Variants in OGG1 observed in about 807,000 individuals in gnomAD.
OGG1 encodes the protein N-glycosylase/DNA lyase.
A neutral mutation model predicts 42.3 loss-of-function variants in OGG1; 35 were observed. That is an observed-to-expected ratio of 0.83 (90% CI 0.63 to 1.10). The LOEUF (loss-of-function observed/expected upper bound fraction) is 1.10. Among genes scored for constraint, OGG1 ranks in the 50% least tolerant of loss-of-function variants. OGG1 has a pLI of 0.00. For synonymous variants in OGG1, 189 were observed against 179.0 expected, an observed-to-expected ratio of 1.06 and a Z score of -0.44; for missense variants, 484 against 446.7, an observed-to-expected ratio of 1.08 and a Z score of -0.75.
At chr3:9,774,022 C>T (rs1414476167) in intron 2 of OGG1, among the ~76,000 whole-genome samples, 3 of 152,102 alleles carry the variant, frequency 2.0e-5, no homozygotes, top group Non-Finnish European at 4.4e-5. Context: ...AATTCTTGAA[C>T]CTGACAGAAA....
chr3:9,789,418 A>T (rs977580675), downstream of OGG1: 2 of 1,201,570 alleles, frequency 1.7e-6, no homozygotes, highest in Non-Finnish European at 2.4e-6. Flanking sequence ...TTGGGGAAGG[A>T]AGATGATGCA....
At chr3:9,757,464 G>T (rs55801042), downstream of OGG1, 3 of 1,602,124 alleles carry the variant, frequency 1.9e-6, no homozygotes, top group Admixed American at 1.7e-5. This position sits in a 1 kb window ranked among gnomAD's most constrained non-coding sequence, Gnocchi z 4.5. Flanking sequence ...AGAAACTCCC[G>T]GTTCAGGGAG....
downstream of OGG1, chr3:9,760,658 G>A (rs750784176): frequency 7.4e-6 from 12 of 1,613,908 alleles, no homozygotes; most frequent in Admixed American, 5.0e-5. Context: ...CCAAATACCA[G>A]AGTCAGAGAT....
downstream of OGG1, chr3:9,757,779 C>CCCTCCT: frequency 1.9e-6 from 3 of 1,614,104 alleles, no homozygotes; most frequent in Non-Finnish European, 1.7e-6. The surrounding 1 kb of genome is among the most constrained non-coding windows in gnomAD (Gnocchi z 4.5). Flanking sequence ...CTGCCCCTGC[C>CCCTCCT]CCTCCTGGCT....
chr3:9,757,930 T>TG, downstream of OGG1: 1 of 1,516,720 alleles, frequency 6.6e-7, no homozygotes. This position sits in a 1 kb window ranked among gnomAD's most constrained non-coding sequence, Gnocchi z 4.5. Context: ...GTGGGATTCT[T>TG]GCAATTGTTC....
chr3:9,779,439 GAGA>G (rs1280863465), intron 2 of OGG1, among the ~76,000 whole-genome samples: 1 of 152,014 alleles, frequency 6.6e-6, no homozygotes, highest in East Asian at 1.9e-4. Flanking sequence ...ACTACAGCCA[GAGA>G]AGGACTCACC....
At chr3:9,763,494 A>C (rs1208062109) in intron 7 of OGG1, among the ~76,000 whole-genome samples, 1 of 151,974 alleles carries the variant, frequency 6.6e-6, no homozygotes, top group East Asian at 1.9e-4. Flanking sequence ...TGGGTAGGAC[A>C]AACCAAGGAT....
chr3:9,762,702 T>C (rs376643136), intron 7 of OGG1, among the ~76,000 whole-genome samples: 13 of 152,214 alleles, frequency 8.5e-5, no homozygotes, highest in East Asian at 3.9e-4. Flanking sequence ...GACAAAATGT[T>C]GTTTGGATAA....
At chr3:9,754,990 G>A in intron 4 of OGG1, 105 bp downstream of exon 4, 1 of 888,560 alleles carries the variant, frequency 1.1e-6, no homozygotes, top group Non-Finnish European at 1.8e-6. Context: ...TCCGGAGGCA[G>A]AGCAGGAAGG....
At chr3:9,773,630 CTT>C (rs35023365) in intron 2 of OGG1, among the ~76,000 whole-genome samples, 17 of 143,112 alleles carry the variant, frequency 1.2e-4, no homozygotes, top group Admixed American at 2.8e-4. Context: ...ATCTTTTCTT[CTT>C]TTTTTTTTTT....
Position 9,754,889 on chromosome 3 carries a change from A to G in OGG1, c.747+4A>G, listed in dbSNP as rs1334748968. 2 of 1,584,650 alleles carry G rather than the reference A, an allele frequency of 1.3e-6. No individual in the cohort carries two copies. Among genetic ancestry groups the G allele is most frequent in the South Asian group, 2.3e-5 (2 of 87,340 alleles). On this transcript the variant is annotated splice_donor_region_variant and intron_variant, in intron 4 of 6. Coordinates refer to ENST00000344629, the MANE Select transcript of OGG1 (RefSeq NM_002542.6). ...CCTGCCTGGAGTGGGCACCAAGGTG[A>G]GGCCCCAGGGGGTAGGAGCTGCCCT... is the stretch of plus-strand genomic sequence containing the variant.
At chr3:9,763,419 AAAAC>A (rs1559700641) in intron 7 of OGG1, among the ~76,000 whole-genome samples, 1 of 151,524 alleles carries the variant, frequency 6.6e-6, no homozygotes, top group East Asian at 1.9e-4. Flanking sequence ...AAAAAAAAAA[AAAAC>A]AGCGGTTTAG....
intron 2 of OGG1, among the ~76,000 whole-genome samples, chr3:9,778,319 C>T (rs2078390500): frequency 6.6e-6 from 1 of 152,218 alleles, no homozygotes; most frequent in African/African-American, 2.4e-5. Context: ...GCAGCTTGGC[C>T]CAGCACCTAG....
chr3:9,789,685 C>A (rs745886500), downstream of OGG1: 13 of 1,608,940 alleles, frequency 8.1e-6, no homozygotes, highest in Non-Finnish European at 1.0e-5. Context: ...AACCTTGAGG[C>A]CCCCTTCTAT....
At chr3:9,758,121 C>T (rs2077674365), downstream of OGG1, 1 of 350,756 alleles carries the variant, frequency 2.9e-6, no homozygotes, top group African/African-American at 2.1e-5. Flanking sequence ...CACTATAGCA[C>T]TGTATGTCAG....
At chr3:9,786,699 T>C (rs565347179) in intron 3 of OGG1, among the ~76,000 whole-genome samples, 3 of 152,156 alleles carry the variant, frequency 2.0e-5, no homozygotes, top group Non-Finnish European at 2.9e-5. Flanking sequence ...TTGGGGAAAG[T>C]TGGAGAAAAA....
At chr3:9,750,739 A>AGT in intron 1 of OGG1, 2 of 731,248 alleles carry the variant, frequency 2.7e-6, no homozygotes, top group Middle Eastern at 5.1e-4. Context: ...CAGCCTCCCG[A>AGT]GTAGCTGGGA....
chr3:9,784,204 A>T lies in OGG1; in HGVS notation c.382+2604A>T. ...TGATGCGGCTCTCCAGGGACTTAGT[A>T]TGCGGCACACTGCAGCGGGAGGCAG... On this transcript the variant is annotated intron_variant, in intron 3 of 3. Transcript: ENST00000426518. 6.2e-7 allele frequency: 1 copy of T among 1,611,382 alleles called. No individual in the cohort carries two copies. Among genetic ancestry groups the T allele is most frequent in the Non-Finnish European group, 8.5e-7 (1 of 1,177,738 alleles).
At chr3:9,765,218 C>T (rs1336770479) in intron 7 of OGG1, among the ~76,000 whole-genome samples, 1 of 149,238 alleles carries the variant, frequency 6.7e-6, no homozygotes, top group Non-Finnish European at 1.5e-5. Flanking sequence ...CAGAGTGAGA[C>T]TCCATCTCAA....
Sources: gnomAD v4.1 joint callset for allele counts (sites outside exome capture counted in the v4.1 genomes callset) on GRCh38, gnomAD v4.1.1 for gene constraint, Gnocchi (gnomAD v3.1) non-coding constraint, MANE v1.5 for transcripts, NCBI Gene and HGNC (gene_info 2026-07-23, HGNC 2026-07-21) for gene names.